Variants in WASHC4 observed in about 807,000 individuals in gnomAD.
The protein encoded by WASHC4 is WASH complex subunit 7.
In WASHC4, 86 loss-of-function variants were observed where a neutral mutation model predicts 166.6. The observed-to-expected ratio is 0.52, with a 90% CI of 0.43 to 0.62. The LOEUF (loss-of-function observed/expected upper bound fraction) is 0.62. Among genes scored for constraint, WASHC4 ranks in the 20% least tolerant of loss-of-function variants. The probability of loss-of-function intolerance (pLI) is 0.00; values close to 1 mark genes in which losing one functional copy is unlikely to be tolerated. For missense variants in WASHC4, 1,262 were observed against 1,382.4 expected (o/e 0.91, Z 1.38); for synonymous variants, 446 against 451.6 (o/e 0.99, Z 0.16).
chr12:105,158,674 C>T (rs975694883), intron 28 of WASHC4, among the ~76,000 whole-genome samples: 2 of 152,084 alleles, frequency 1.3e-5, no homozygotes, highest in African/African-American at 4.8e-5. Context: ...AATTGGGGGA[C>T]ATTTGAACAT....
intron 2 of WASHC4, among the ~76,000 whole-genome samples, chr12:105,113,478 C>T (rs1879884408): frequency 6.6e-6 from 1 of 151,978 alleles, no homozygotes. Context: ...TCTTCGGAAC[C>T]TCTGTTTAAG....
At chr12:105,112,151 C>T (rs558104223) in intron 2 of WASHC4, among the ~76,000 whole-genome samples, 8 of 152,284 alleles carry the variant, frequency 5.3e-5, no homozygotes, top group Admixed American at 3.3e-4. Flanking sequence ...TGAAATCATA[C>T]GATATGTGCT....
At chr12:105,129,853 A>C (rs1881635300) in intron 13 of WASHC4, among the ~76,000 whole-genome samples, 1 of 152,240 alleles carries the variant, frequency 6.6e-6, no homozygotes, top group African/African-American at 2.4e-5. Flanking sequence ...TGAAGCTCTC[A>C]ACTCTATGGC....
In WASHC4 at chr12:105,124,317, C is replaced by T. The variant is rs143000596; in HGVS notation, c.787-1687C>T. Among the ~76,000 whole-genome samples the T allele has an allele frequency of 6.8e-3, 1,038 of 151,626 alleles. 13 individuals carry two copies. Among genetic ancestry groups the T allele is most frequent in the African/African-American group, 0.024 (1,008 of 41,288 alleles). ...TATTTTTAGTAGAGATGGGGTTTCT[C>T]CATGTTGGTCAGGCTGGTCTTGAAC... On this transcript the variant is annotated intron_variant, in intron 10 of 32. Coordinates refer to ENST00000332180, the MANE Select transcript of WASHC4 (RefSeq NM_015275.3).
At chr12:105,164,355 A>G (rs775024704) in intron 31 of WASHC4, 48 bp downstream of exon 31, 8 of 1,491,902 alleles carry the variant, frequency 5.4e-6, no homozygotes, top group Non-Finnish European at 7.5e-6. Flanking sequence ...ACCATTTGAT[A>G]TCCATGACTT....
At chr12:105,114,332 TTTTTA>T (rs1279903056) in intron 3 of WASHC4, 25 bp from the exon 4 acceptor site, 4 of 1,596,592 alleles carry the variant, frequency 2.5e-6, no homozygotes, top group Non-Finnish European at 2.6e-6. Context: ...AACAATTTAC[TTTTTA>T]TTTTGTTTTT....
intron 26 of WASHC4, among the ~76,000 whole-genome samples, chr12:105,155,395 G>GC (rs1555240562): frequency 6.6e-6 from 1 of 152,076 alleles, no homozygotes; most frequent in Non-Finnish European, 1.5e-5. Flanking sequence ...GCCCTGATTC[G>GC]TTCACATTTT....
At chr12:105,119,269 A>T (rs1479732572) in intron 7 of WASHC4, among the ~76,000 whole-genome samples, 2 of 152,160 alleles carry the variant, frequency 1.3e-5, no homozygotes, top group Admixed American at 1.3e-4. Flanking sequence ...TCACATTTTC[A>T]TAGAGCTCTT....
chr12:105,159,404 C>T (rs768415180), intron 28 of WASHC4, among the ~76,000 whole-genome samples: 5 of 152,056 alleles, frequency 3.3e-5, no homozygotes, highest in African/African-American at 7.2e-5. Context: ...CCTAATCCTG[C>T]GTAATTGTAG....
intron 24 of WASHC4, 191 bp downstream of exon 24, chr12:105,147,337 A>G (rs1303404995): frequency 5.1e-6 from 3 of 585,212 alleles, no homozygotes; most frequent in Non-Finnish European, 6.1e-6. Flanking sequence ...GAGCTGTGAT[A>G]CAAAAGACAC....
chr12:105,144,508 TACCCTAC>T, intron 21 of WASHC4, 53 bp downstream of exon 21: 12 of 1,268,068 alleles, frequency 9.5e-6, no homozygotes, highest in African/African-American at 1.5e-5. Flanking sequence ...TTTTTTTTTT[TACCCTAC>T]TGTTAAACAA....
intron 10 of WASHC4, among the ~76,000 whole-genome samples, 182 bp from the exon 11 acceptor site, chr12:105,125,822 T>C (rs1316088508): frequency 6.6e-6 from 1 of 152,090 alleles, no homozygotes; most frequent in Non-Finnish European, 1.5e-5. Flanking sequence ...TAAATACATA[T>C]ATATTTTTCA....
At chr12:105,131,167 A>G (rs925983644) in intron 13 of WASHC4, among the ~76,000 whole-genome samples, 2 of 150,718 alleles carry the variant, frequency 1.3e-5, no homozygotes, top group Non-Finnish European at 3.0e-5. Flanking sequence ...GCTCACTGCA[A>G]GCTCCGCTTC....
At chr12:105,133,641 T>C in intron 13 of WASHC4, 129 bp from the exon 14 acceptor site, 1 of 740,604 alleles carries the variant, frequency 1.4e-6, no homozygotes, top group Non-Finnish European at 2.3e-6. Context: ...TATATGTCTA[T>C]GTAATATTTA....
At chr12:105,165,194 T>C (rs1253672636) in intron 32 of WASHC4, among the ~76,000 whole-genome samples, 1 of 152,218 alleles carries the variant, frequency 6.6e-6, no homozygotes, top group Non-Finnish European at 1.5e-5. Flanking sequence ...TCCTGCCTTC[T>C]TTCATAGTCA....
chr12:105,146,926 A>G (rs765823618), intron 23 of WASHC4, 116 bp from the exon 24 acceptor site: 3 of 722,920 alleles, frequency 4.1e-6, no homozygotes, highest in Non-Finnish European at 7.7e-6. Flanking sequence ...TCTTGATTGC[A>G]TTTTCAATTA....
At chr12:105,130,639 C>G (rs1157436997) in intron 13 of WASHC4, among the ~76,000 whole-genome samples, 1 of 152,024 alleles carries the variant, frequency 6.6e-6, no homozygotes, top group Non-Finnish European at 1.5e-5. Context: ...AAGAGGTGTC[C>G]CAAGGTCAGG....
chr12:105,111,337 A>T, intron 2 of WASHC4, 73 bp downstream of exon 2: 2 of 981,570 alleles, frequency 2.0e-6, no homozygotes, highest in Non-Finnish European at 3.0e-6. Flanking sequence ...ATAATTTTTT[A>T]AAATGGAAAA....
intron 2 of WASHC4, among the ~76,000 whole-genome samples, chr12:105,111,486 A>G (rs1879674283): frequency 6.6e-6 from 1 of 152,200 alleles, no homozygotes; most frequent in Non-Finnish European, 1.5e-5. Flanking sequence ...TTTAGTGTCA[A>G]AGAATGACAC....
Sources: gnomAD v4.1 joint callset for allele counts (sites outside exome capture counted in the v4.1 genomes callset) on GRCh38, gnomAD v4.1.1 for gene constraint, MANE v1.5 for transcripts, NCBI Gene and HGNC (gene_info 2026-07-23, HGNC 2026-07-21) for gene names.